Variants in PLCG2 observed in about 807,000 individuals in gnomAD.
PLCG2 encodes the protein 1-phosphatidylinositol 4,5-bisphosphate phosphodiesterase gamma-2.
A neutral mutation model predicts 175.6 loss-of-function variants in PLCG2; 69 were observed. The ratio of observed to expected loss-of-function variants is 0.39; its 90% confidence interval spans 0.32 to 0.48. The LOEUF (loss-of-function observed/expected upper bound fraction) is 0.48. PLCG2 is among the 20% of genes least tolerant of loss of function. PLCG2 has a pLI of 0.91. For synonymous variants in PLCG2, 827 were observed against 624.0 expected (o/e 1.33, Z -4.85); for missense variants, 1,798 against 1,650.9 (o/e 1.09, Z -1.54).
chr16:81,754,976 C>T (rs1158910900), intron 1 of PLCG2, among the ~76,000 whole-genome samples: 2 of 152,138 alleles, frequency 1.3e-5, no homozygotes, highest in African/African-American at 4.8e-5. Context: ...GAAGAACCAG[C>T]TGTGTGTCCT....
chr16:81,786,915 A>C (rs550505704), intron 2 of PLCG2, among the ~76,000 whole-genome samples: 5 of 152,366 alleles, frequency 3.3e-5, no homozygotes, highest in Non-Finnish European at 5.9e-5. Context: ...CATCCTACTG[A>C]GGCAAGCTCA....
upstream of PLCG2, among the ~76,000 whole-genome samples, chr16:81,776,259 C>T (rs1280147935): frequency 2.0e-5 from 3 of 150,816 alleles, no homozygotes; most frequent in Non-Finnish European, 3.0e-5. Flanking sequence ...TAGGCACCCA[C>T]CACCAGGCCA....
At chr16:81,880,133 C>T (rs181151261) in intron 7 of PLCG2, among the ~76,000 whole-genome samples, 2 of 152,228 alleles carry the variant, frequency 1.3e-5, no homozygotes, top group Non-Finnish European at 2.9e-5. Flanking sequence ...CCTAGTTACG[C>T]AGGAAGCTAA....
chr16:81,822,374 C>T (rs1437902919), intron 2 of PLCG2, among the ~76,000 whole-genome samples: 1 of 152,132 alleles, frequency 6.6e-6, no homozygotes, highest in Non-Finnish European at 1.5e-5. Flanking sequence ...TAAAGAGGAC[C>T]TTGCAGATGA....
chr16:81,849,313 A>G (rs1906279579), intron 2 of PLCG2, among the ~76,000 whole-genome samples: 2 of 152,230 alleles, frequency 1.3e-5, no homozygotes, highest in Admixed American at 6.5e-5. Context: ...ATGGAAATGG[A>G]TAGACGTTGA....
chr16:81,925,167 C>T (rs1160575173), intron 22 of PLCG2, among the ~76,000 whole-genome samples: 3 of 152,214 alleles, frequency 2.0e-5, no homozygotes, highest in Non-Finnish European at 4.4e-5. Context: ...AAGAGACTGT[C>T]AGAAGTCCCT....
intron 19 of PLCG2, among the ~76,000 whole-genome samples, chr16:81,915,603 C>A (rs1016161851): frequency 1.5e-4 from 23 of 152,288 alleles, no homozygotes; most frequent in Non-Finnish European, 2.6e-4. Context: ...TTACTGAGTC[C>A]TGCCTGAGTG....
At chr16:81,797,938 A>C (rs1474582006) in intron 2 of PLCG2, among the ~76,000 whole-genome samples, 1 of 151,274 alleles carries the variant, frequency 6.6e-6, no homozygotes, top group African/African-American at 2.4e-5. Flanking sequence ...TCAAGCAATT[A>C]TTCTGCCTCA....
Position 81,828,979 on chromosome 16 carries a change from A to G in PLCG2, c.194-25465A>G, listed in dbSNP as rs1905152644. On this transcript the variant is annotated intron_variant, in intron 2 of 32. Coordinates refer to ENST00000564138, the MANE Select transcript of PLCG2 (RefSeq NM_002661.5). Reference sequence around the variant, plus strand: ...TCCTGTGTGGGCCATTCTCTCAAACATTGCTAGTCTCAGGAATAGTCAGAA... The same window carrying G: ...TCCTGTGTGGGCCATTCTCTCAAACGTTGCTAGTCTCAGGAATAGTCAGAA... Among the ~76,000 whole-genome samples the G allele has an allele frequency of 2.0e-5, 3 of 152,278 alleles. No homozygotes were observed. In the South Asian group the frequency reaches 6.2e-4, roughly 32 times the overall value.
At chr16:81,882,384 A>G (rs565505939) in intron 8 of PLCG2, among the ~76,000 whole-genome samples, 14 of 152,114 alleles carry the variant, frequency 9.2e-5, no homozygotes, top group African/African-American at 3.4e-4. Flanking sequence ...TTTTGCCCTG[A>G]TGGCCTGGAG....
intron 2 of PLCG2, among the ~76,000 whole-genome samples, chr16:81,847,014 G>A (rs1434369685): frequency 6.6e-6 from 1 of 152,160 alleles, no homozygotes; most frequent in Admixed American, 6.5e-5. Flanking sequence ...CAGGTTGAGA[G>A]CTCAGTCCCT....
intron 31 of PLCG2, among the ~76,000 whole-genome samples, chr16:81,955,108 A>C (rs1276805572): frequency 6.6e-6 from 1 of 152,188 alleles, no homozygotes; most frequent in Non-Finnish European, 1.5e-5. Flanking sequence ...ACATTCACTT[A>C]ATCACCAAGG....
intron 1 of PLCG2, chr16:81,783,070 C>A: frequency 2.2e-6 from 1 of 462,012 alleles, no homozygotes; most frequent in African/African-American, 2.0e-5. Flanking sequence ...GTCCAAGGCC[C>A]TCCCAGAGTG....
Position 81,959,576 on chromosome 16 carries a change from T to C in PLCG2, c.*1578T>C, listed in dbSNP as rs1911705596. The C allele has an allele frequency of 1.0e-5, 2 of 199,498 alleles. No homozygotes were observed. The allele number at this position is 199,498 out of a possible 1,614,324, so 12.4% of individuals were successfully genotyped here. ...AGCAGTCTGGCCAAGGAAGGGCTGT[T>C]ATCTGGTGCTATCACTCCAGTTACT... On this transcript the variant is annotated 3_prime_UTR_variant, in exon 33 of 33. Coordinates refer to ENST00000564138, the MANE Select transcript of PLCG2 (RefSeq NM_002661.5).
intron 30 of PLCG2, among the ~76,000 whole-genome samples, chr16:81,943,343 C>T (rs1188083555): frequency 6.6e-6 from 1 of 152,142 alleles, no homozygotes; most frequent in Non-Finnish European, 1.5e-5. Context: ...GGAACAAGCA[C>T]ATATTTACAT....
rs192158558 is a variant in PLCG2 at position 81,802,590 on chromosome 16, T to C, written c.193+16408T>C. 2.0e-4 allele frequency among the ~76,000 whole-genome samples: 31 copies of C among 152,258 alleles called. 1 individual carries two copies. The East Asian group carries it at 2.5e-3, about 12-fold the overall frequency. On this transcript the variant is annotated intron_variant, in intron 2 of 32. Coordinates refer to ENST00000564138, the MANE Select transcript of PLCG2 (RefSeq NM_002661.5). ...TCTTTTTTTGTTTTTGTTTTGAGAC[T>C]GAGTGGAGTTTCACTCTTGTCGCCG...
chr16:81,817,846 G>A (rs1011950524), intron 2 of PLCG2, among the ~76,000 whole-genome samples: 13 of 152,308 alleles, frequency 8.5e-5, no homozygotes, highest in African/African-American at 2.9e-4. Context: ...CCAGGCCAGG[G>A]TAGGCAAAAA....
intron 2 of PLCG2, among the ~76,000 whole-genome samples, chr16:81,847,345 G>C (rs970299812): frequency 5.3e-5 from 8 of 152,260 alleles, no homozygotes; most frequent in African/African-American, 1.7e-4. Flanking sequence ...GTTTTTATGA[G>C]AGCCTAATTA....
intron 2 of PLCG2, among the ~76,000 whole-genome samples, chr16:81,850,243 G>A (rs1013029806): frequency 6.6e-6 from 1 of 152,130 alleles, no homozygotes; most frequent in Non-Finnish European, 1.5e-5. Flanking sequence ...TAGGTGTAAG[G>A]TTTTATGGTT....
Sources: gnomAD v4.1 joint callset for allele counts (sites outside exome capture counted in the v4.1 genomes callset) on GRCh38, gnomAD v4.1.1 for gene constraint, MANE v1.5 for transcripts, NCBI Gene and HGNC (gene_info 2026-07-23, HGNC 2026-07-21) for gene names.